The following FGD4 variants were observed in gnomAD, a reference collection of about 807,000 sequenced individuals.
FGD4 encodes FYVE, RhoGEF and PH domain containing 4.
Under a neutral mutation model 102.0 loss-of-function variants are expected in FGD4, and 42 were observed. The observed-to-expected ratio is 0.41, with a 90% CI of 0.32 to 0.53. The LOEUF is 0.53. Among genes scored for constraint, FGD4 ranks in the 20% least tolerant of loss-of-function variants. The probability of loss-of-function intolerance (pLI) is 0.21; values close to 1 mark genes in which losing one functional copy is unlikely to be tolerated. For synonymous variants in FGD4, 380 were observed against 375.7 expected (o/e 1.01, Z -0.13); for missense variants, 902 against 1,078.2 (o/e 0.84, Z 2.29).
chr12:32,611,618 G>T (rs1949140382), intron 10 of FGD4, among the ~76,000 whole-genome samples: 2 of 152,198 alleles, frequency 1.3e-5, no homozygotes, highest in African/African-American at 4.8e-5. Flanking sequence ...TATAAAAATA[G>T]TTGTATACAC....
intron 1 of FGD4, among the ~76,000 whole-genome samples, chr12:32,514,780 G>A (rs188193382): frequency 2.4e-4 from 37 of 152,180 alleles, no homozygotes; most frequent in African/African-American, 2.2e-4. Context: ...TCAATGGCCC[G>A]AATTGCAGAT....
At chr12:32,602,038 C>T in intron 6 of FGD4, 123 bp from the exon 7 acceptor site, 1 of 817,294 alleles carries the variant, frequency 1.2e-6, no homozygotes, top group South Asian at 1.6e-5. Context: ...TTGATTGAAC[C>T]TGGGAGGTCG....
intron 7 of FGD4, among the ~76,000 whole-genome samples, chr12:32,603,596 G>A (rs1426264520): frequency 1.3e-5 from 2 of 151,800 alleles, no homozygotes; most frequent in African/African-American, 4.8e-5. Context: ...CGTGTTAGCC[G>A]GGATGATCTC....
At chr12:32,430,640 A>G (rs1451203075) in intron 1 of FGD4, among the ~76,000 whole-genome samples, 4 of 150,196 alleles carry the variant, frequency 2.7e-5, no homozygotes, top group Non-Finnish European at 5.9e-5. Context: ...TGTAAAAGTA[A>G]TATTAATATA....
chr12:32,644,031 T>G lies in FGD4; in HGVS notation c.*3498T>G, dbSNP rs976534668. On this transcript the variant is annotated 3_prime_UTR_variant, in exon 17 of 17. Transcript: ENST00000534526. Reference sequence around the variant, plus strand: ...GGTTTTATAGGTATCTTTGCTATAATGCAGAATAGATTAATGAAGATTTCC... The same window carrying G: ...GGTTTTATAGGTATCTTTGCTATAAGGCAGAATAGATTAATGAAGATTTCC... 1 of 152,174 alleles carries G rather than the reference T, an allele frequency of 6.6e-6. No individual in the cohort carries two copies. Among genetic ancestry groups the G allele is most frequent in the African/African-American group, 2.4e-5 (1 of 41,458 alleles). 9.4% of individuals were successfully genotyped at this position (152,174 alleles called of 1,614,324 possible).
At chr12:32,426,769 G>A (rs1267909057) in intron 1 of FGD4, among the ~76,000 whole-genome samples, 1 of 151,988 alleles carries the variant, frequency 6.6e-6, no homozygotes, top group Non-Finnish European at 1.5e-5. Context: ...TCAGGAATTC[G>A]ACTTATTCCT....
At chr12:32,559,974 A>G (rs769237007) in intron 1 of FGD4, among the ~76,000 whole-genome samples, 1 of 152,018 alleles carries the variant, frequency 6.6e-6, no homozygotes, top group Non-Finnish European at 1.5e-5. Flanking sequence ...TTCTTCCTCT[A>G]GTTTGTAGTT....
At chr12:32,480,625 C>T (rs1164689212) in intron 1 of FGD4, among the ~76,000 whole-genome samples, 4 of 151,498 alleles carry the variant, frequency 2.6e-5, no homozygotes, top group African/African-American at 7.3e-5. Context: ...CTCAGCCTTC[C>T]GAGTAGCTGG....
rs112840984 is a variant in FGD4 at position 32,421,659 on chromosome 12, T to C, written c.166+21700T>C. Among the ~76,000 whole-genome samples the C allele has an allele frequency of 1.5e-3, 231 of 152,332 alleles. 2 individuals carry two copies. Among genetic ancestry groups the C allele is most frequent in the Non-Finnish European group, 2.4e-3 (163 of 68,018 alleles). On this transcript the variant is annotated intron_variant, in intron 1 of 16. Coordinates refer to ENST00000534526, the MANE Select transcript of FGD4 (RefSeq NM_001370298.3). ...TTTTCATTATTAGGACTTGGCTTTT[T>C]AGGTCAAGACTCCTGATAAAAGGAC...
At chr12:32,480,451 A>G (rs562913835) in intron 1 of FGD4, among the ~76,000 whole-genome samples, 1 of 145,218 alleles carries the variant, frequency 6.9e-6, no homozygotes, top group Admixed American at 6.9e-5. Context: ...TGTGAGCCAC[A>G]ACGCCCAACC....
chr12:32,510,222 A>G (rs372988260), intron 1 of FGD4, among the ~76,000 whole-genome samples: 9 of 152,378 alleles, frequency 5.9e-5, no homozygotes, highest in Non-Finnish European at 1.2e-4. Context: ...GTGGGAAGCT[A>G]GTAACGTTCA....
chr12:32,545,631 C>T (rs1943171472), intron 1 of FGD4, among the ~76,000 whole-genome samples: 2 of 152,160 alleles, frequency 1.3e-5, no homozygotes, highest in South Asian at 4.1e-4. Context: ...CTGCAGATCC[C>T]TGATTGAGGA....
intron 3 of FGD4, among the ~76,000 whole-genome samples, chr12:32,581,750 ATCT>A: frequency 1.3e-5 from 2 of 152,308 alleles, no homozygotes; most frequent in Non-Finnish European, 2.9e-5. Flanking sequence ...ACTCGGGGTC[ATCT>A]TCTTTATTTA....
At chr12:32,594,683 C>T (rs1255148602) in intron 4 of FGD4, among the ~76,000 whole-genome samples, 1 of 152,040 alleles carries the variant, frequency 6.6e-6, no homozygotes, top group East Asian at 1.9e-4. Context: ...GAACTGTACA[C>T]CAAAAAGGGT....
intron 1 of FGD4, among the ~76,000 whole-genome samples, chr12:32,414,620 T>C (rs1457351612): frequency 6.6e-6 from 1 of 152,122 alleles, no homozygotes; most frequent in Non-Finnish European, 1.5e-5. Context: ...TCTTCTACTA[T>C]CTCCATGAGT....
chr12:32,430,318 A>G (rs556101939), intron 1 of FGD4, among the ~76,000 whole-genome samples: 16 of 152,138 alleles, frequency 1.1e-4, no homozygotes, highest in Non-Finnish European at 1.9e-4. Flanking sequence ...AAAAAAGAAA[A>G]AAAAAAGGAA....
chr12:32,405,409 G>A (rs1591837806), intron 1 of FGD4, among the ~76,000 whole-genome samples: 2 of 151,952 alleles, frequency 1.3e-5, no homozygotes, highest in Non-Finnish European at 1.5e-5. Flanking sequence ...ACAGGCAAGC[G>A]TCAACATGCC....
chr12:32,606,463 A>ATTT (rs11406211), intron 7 of FGD4, among the ~76,000 whole-genome samples: 16 of 143,634 alleles, frequency 1.1e-4, no homozygotes, highest in East Asian at 4.1e-4. Flanking sequence ...TCCTCTACTT[A>ATTT]TTTTTTTTTT....
At chr12:32,525,754 C>T (rs1941083995) in intron 1 of FGD4, among the ~76,000 whole-genome samples, 1 of 152,244 alleles carries the variant, frequency 6.6e-6, no homozygotes, top group Non-Finnish European at 1.5e-5. Context: ...GCTTGGTGGG[C>T]CCCGCACTCG....
Sources: allele counts gnomAD v4.1 joint callset (sites outside exome capture counted in the v4.1 genomes callset), GRCh38; gene constraint gnomAD v4.1.1; transcripts MANE v1.5; gene names NCBI Gene and HGNC (gene_info 2026-07-23, HGNC 2026-07-21).